The following CRYBB2 variants were observed in gnomAD, a reference collection of about 807,000 sequenced individuals.
The protein encoded by CRYBB2 is beta-crystallin B2.
Under a neutral mutation model 24.3 loss-of-function variants are expected in CRYBB2, and 12 were observed. The ratio of observed to expected loss-of-function variants is 0.49; its 90% CI spans 0.32 to 0.80. The LOEUF (loss-of-function observed/expected upper bound fraction) is 0.80. CRYBB2 is among the 30% of genes least tolerant of loss of function. The pLI is 0.04. For synonymous variants in CRYBB2, 98 were observed against 101.6 expected (o/e 0.96, Z 0.21); for missense variants, 198 against 268.5 (o/e 0.74, Z 1.83).
Position 25,225,553 on chromosome 22 carries a change from T to A in CRYBB2, c.173+517T>A, listed in dbSNP as rs576085007. On this transcript the variant is annotated intron_variant, in intron 3 of 5. Transcript: ENST00000398215. Reference sequence around the variant, plus strand: ...GGCACACTTGGGGGCCAGGTCTCTATCCAAGAGAGAAGGGGAGCTGAATGG... The same window carrying A: ...GGCACACTTGGGGGCCAGGTCTCTAACCAAGAGAGAAGGGGAGCTGAATGG... 6.6e-5 allele frequency among the ~76,000 whole-genome samples: 10 copies of A among 152,220 alleles called. No individual in the cohort carries two copies. In the South Asian group the frequency reaches 2.1e-3, roughly 32 times the overall value.
chr22:25,230,311 C>G (rs1352931749), intron 5 of CRYBB2, among the ~76,000 whole-genome samples: 2 of 150,178 alleles, frequency 1.3e-5, no homozygotes, highest in African/African-American at 5.0e-5. Flanking sequence ...CGCCCACCAC[C>G]AAGCTCAGCT....
At chr22:25,215,651 A>T (rs559652292), upstream of CRYBB2, among the ~76,000 whole-genome samples, 3 of 152,286 alleles carry the variant, frequency 2.0e-5, no homozygotes, top group East Asian at 3.9e-4. Context: ...GAGAAGAAAA[A>T]CTTCACTAAA....
upstream of CRYBB2, among the ~76,000 whole-genome samples, chr22:25,215,005 A>C (rs1463030674): frequency 1.3e-5 from 2 of 152,272 alleles, no homozygotes; most frequent in African/African-American, 2.4e-5. Context: ...AGGTTGGTGC[A>C]AAAGTAAATG....
rs1920983868 is a variant in CRYBB2, at chr22:25,231,684, T to C, written c.530T>C (p.Phe177Ser). Residue 177 changes from phenylalanine to serine, a missense_variant, in exon 6 of 6, where the codon TTT becomes TCT. Physicochemically the swap from Phe to Ser is radical, Grantham distance 155. Coordinates refer to ENST00000398215, the MANE Select transcript of CRYBB2 (RefSeq NM_000496.3). ...EKGDYKDSSD[F>S]GAPHPQVQSV... The stretch of plus-strand genomic sequence containing the variant: ...GGAGACTACAAGGACAGCAGCGACT[T>C]TGGGGCCCCTCACCCCCAGGTGCAG... The C allele has an allele frequency of 1.2e-6, 2 of 1,614,016 alleles. No individual in the cohort carries two copies. Among genetic ancestry groups the C allele is most frequent in the East Asian group, 2.2e-5 (1 of 44,858 alleles).
intron 1 of CRYBB2, among the ~76,000 whole-genome samples, chr22:25,220,635 A>T (rs1935302721): frequency 6.6e-6 from 1 of 152,122 alleles, no homozygotes. Context: ...CTGAAGAGGG[A>T]GGCCAGGCTT....
chr22:25,231,020 G>T (rs2146094820), intron 5 of CRYBB2, among the ~76,000 whole-genome samples: 1 of 152,308 alleles, frequency 6.6e-6, no homozygotes, highest in Non-Finnish European at 1.5e-5. Context: ...AGGCCATGGT[G>T]GCTGGAATGC....
chr22:25,213,622 T>C (rs1383914215), intron 1 of CRYBB2: 1 of 152,110 alleles, frequency 6.6e-6, no homozygotes. Context: ...TGATTTCACC[T>C]GGAAATTACA....
chr22:25,219,078 C>G (rs909579175), upstream of CRYBB2, among the ~76,000 whole-genome samples: 9 of 152,110 alleles, frequency 5.9e-5, no homozygotes, highest in African/African-American at 1.4e-4. Flanking sequence ...ACTGTCCCCC[C>G]ACCCTGTTCC....
intron 1 of CRYBB2, among the ~76,000 whole-genome samples, chr22:25,220,979 C>A (rs1935309771): frequency 2.0e-5 from 3 of 152,138 alleles, no homozygotes; most frequent in Admixed American, 1.3e-4. Context: ...AAACTGGGCA[C>A]CACCACACCA....
chr22:25,215,866 G>A (rs1414140084), upstream of CRYBB2, among the ~76,000 whole-genome samples: 2 of 152,154 alleles, frequency 1.3e-5, no homozygotes, highest in Middle Eastern at 3.2e-3. Flanking sequence ...TGTGAGGATT[G>A]AATTAATGGA....
At chr22:25,229,678 A>C in intron 5 of CRYBB2, 100 bp downstream of exon 5, 1 of 1,509,988 alleles carries the variant, frequency 6.6e-7, no homozygotes, top group South Asian at 1.2e-5. Flanking sequence ...TCTTGCACAC[A>C]TCAGTGTGCT....
At chr22:25,212,093 C>G (rs1044566187), upstream of CRYBB2, among the ~76,000 whole-genome samples, 2 of 152,184 alleles carry the variant, frequency 1.3e-5, no homozygotes, top group African/African-American at 4.8e-5. Context: ...ATGAGTAAAA[C>G]CAAGGACGTG....
In CRYBB2 at chr22:25,228,066, C is replaced by T. The variant is rs1160193171; in HGVS notation, c.306+81C>T. On this transcript the variant is annotated intron_variant, in intron 4 of 5. Transcript: ENST00000398215. ...TCTCTGCCACCTTGGAGCTGGAGGT[C>T]TGGGGACCAGGAAGGGGCCCGCCCC... The T allele has an allele frequency of 2.5e-6, 4 of 1,603,002 alleles. No homozygotes were observed. The African/African-American group carries it at 4.0e-5, about 16-fold the overall frequency.
At chr22:25,223,013 G>C (rs1408299836) in intron 2 of CRYBB2, among the ~76,000 whole-genome samples, 2 of 152,136 alleles carry the variant, frequency 1.3e-5, no homozygotes, top group Non-Finnish European at 2.9e-5. Context: ...GACAGTGCAG[G>C]CTTAAAGGAT....
chr22:25,218,720 G>GAGAGAA (rs1555888254), upstream of CRYBB2, among the ~76,000 whole-genome samples: 1,349 of 65,034 alleles, frequency 0.021, 82 homozygotes, highest in South Asian at 0.043. Context: ...GAGAGAGAGA[G>GAGAGAA]AGAGAGAGAG....
intron 5 of CRYBB2, among the ~76,000 whole-genome samples, chr22:25,230,234 G>A (rs1197337491): frequency 6.7e-6 from 1 of 149,490 alleles, no homozygotes; most frequent in Non-Finnish European, 1.5e-5. Context: ...TTGGCTCACT[G>A]CAACCTCCGC....
At chr22:25,216,498 G>T (rs998034413), upstream of CRYBB2, among the ~76,000 whole-genome samples, 3 of 152,186 alleles carry the variant, frequency 2.0e-5, no homozygotes, top group Non-Finnish European at 4.4e-5. Context: ...AAAGGGCTGG[G>T]AGAGACAAGG....
intron 5 of CRYBB2, among the ~76,000 whole-genome samples, chr22:25,230,971 G>T (rs1343505135): frequency 6.6e-6 from 1 of 152,182 alleles, no homozygotes; most frequent in Admixed American, 6.5e-5. Context: ...GCCCTGTGGT[G>T]TGTGTGGGGG....
chr22:25,220,030 G>A (rs1569017351), intron 1 of CRYBB2, among the ~76,000 whole-genome samples: 1 of 152,112 alleles, frequency 6.6e-6, no homozygotes, highest in Non-Finnish European at 1.5e-5. Flanking sequence ...GTTTCTAGGT[G>A]GGTGAGTCAG....
Sources: gnomAD v4.1 joint callset for allele counts (sites outside exome capture counted in the v4.1 genomes callset) on GRCh38, gnomAD v4.1.1 for gene constraint, MANE v1.5 for transcripts, NCBI Gene and HGNC (gene_info 2026-07-23, HGNC 2026-07-21) for gene names.